The following MEIOC variants were observed in gnomAD, a reference collection of about 807,000 sequenced individuals.
MEIOC encodes the protein meiosis specific with coiled-coil domain.
MEIOC carries 9 observed loss-of-function variants against 85.3 expected under a neutral mutation model. The ratio of observed to expected loss-of-function variants is 0.11; its 90% CI spans 0.06 to 0.18. The LOEUF (loss-of-function observed/expected upper bound fraction) is 0.18. Among genes scored for constraint, MEIOC ranks in the 10% least tolerant of loss-of-function variants. The pLI is 1.00. For synonymous variants in MEIOC, 365 were observed against 393.7 expected (o/e 0.93, Z 0.86); for missense variants, 898 against 1,129.4 (o/e 0.80, Z 2.94).
rs1472429438 is a variant in MEIOC at position 44,675,708 on chromosome 17, GTTAAGT to G, written c.*1517_*1522del. The G allele has an allele frequency of 2.0e-6, 2 of 983,960 alleles. No homozygotes were observed. Among genetic ancestry groups the G allele is most frequent in the Non-Finnish European group, 2.4e-6 (2 of 828,774 alleles). The allele number at this position is 983,960 out of a possible 1,614,324, so 61.0% of individuals were successfully genotyped here. On this transcript the variant is annotated 3_prime_UTR_variant, in exon 8 of 8. Transcript: ENST00000409122. ...CACCACAGTCACTGCATAGAAAGTG[GTTAAGT>G]TTAACATAAGACATGTTGGATGTTA... is the stretch of plus-strand genomic sequence containing the variant.
downstream of MEIOC, chr17:44,676,858 A>G: frequency 7.4e-6 from 5 of 673,458 alleles, no homozygotes; most frequent in Non-Finnish European, 9.2e-6. Flanking sequence ...GCAATACTGA[A>G]CATTTTAGAC....
chr17:44,668,274 T>C (rs776566271), intron 5 of MEIOC, 41 bp downstream of exon 5: 1 of 1,510,448 alleles, frequency 6.6e-7, no homozygotes, highest in South Asian at 1.3e-5. Flanking sequence ...AGTATGTTCC[T>C]TTTGCCTGTC....
chr17:44,669,597 C>T, intron 6 of MEIOC, 80 bp downstream of exon 6: 2 of 1,400,526 alleles, frequency 1.4e-6, no homozygotes, highest in Non-Finnish European at 2.0e-6. Context: ...TGGTGGCTCA[C>T]TCCTGTAATC....
chr17:44,670,968 T>C (rs1296940138), intron 6 of MEIOC: 1 of 152,164 alleles, frequency 6.6e-6, no homozygotes, highest in Non-Finnish European at 1.5e-5. Context: ...TTAGGGTAGG[T>C]AAACTTTTCC....
chr17:44,676,409 T>G (rs1972075168), downstream of MEIOC, among the ~76,000 whole-genome samples: 1 of 152,236 alleles, frequency 6.6e-6, no homozygotes, highest in Non-Finnish European at 1.5e-5. Context: ...TTGTTATCAG[T>G]GTCCTTCTCA....
rs567731554 is a variant in MEIOC, at chr17:44,663,309, G to A, written c.359+838G>A. Among the ~76,000 whole-genome samples the A allele has an allele frequency of 2.2e-4, 33 of 152,092 alleles. 1 individual carries two copies. In the South Asian group the frequency reaches 6.6e-3, roughly 31 times the overall value. On this transcript the variant is annotated intron_variant, in intron 3 of 7. Coordinates refer to ENST00000409122, the MANE Select transcript of MEIOC (RefSeq NM_001145080.3). The stretch of plus-strand genomic sequence containing the variant: ...TGATGATGATGATGATGATGATGAC[G>A]ATAACTAGGATATTATGGGAGCCTA...
At position 44,667,588 on chromosome 17, in the gene MEIOC, C is replaced by T. The variant is rs762468165; in HGVS notation, c.1677C>T (p.Val559=). The T allele has an allele frequency of 5.0e-6, 8 of 1,613,696 alleles. No individual in the cohort carries two copies. In the Admixed American group the frequency reaches 1.3e-4, roughly 27 times the overall value. ...SYSGAERIQS[V]NHIEGLTKPG... is the part of the protein sequence containing the mutation. Reference sequence around the variant, plus strand: ...GTGGTGCAGAAAGAATCCAATCTGTCAATCACATAGAAGGACTAACAAAGC... The same window carrying T: ...GTGGTGCAGAAAGAATCCAATCTGTTAATCACATAGAAGGACTAACAAAGC... The change falls in exon 5 of 8, where the codon GTC becomes GTT. Residue 559 remains valine, a synonymous_variant. Coordinates refer to ENST00000409122, the MANE Select transcript of MEIOC (RefSeq NM_001145080.3).
chr17:44,671,627 C>G (rs751285078), intron 6 of MEIOC, among the ~76,000 whole-genome samples: 9 of 150,298 alleles, frequency 6.0e-5, no homozygotes, highest in Admixed American at 2.6e-4. Context: ...TACATTTTCG[C>G]CGGGCGTGGT....
Position 44,673,474 on chromosome 17 carries a change from C to T in MEIOC, c.2566C>T (p.Arg856Cys), listed in dbSNP as rs1339410866. The change falls in exon 7 of 8, where the codon CGT becomes TGT. Residue 856 changes from arginine (R) to cysteine (C), a missense_variant. Physicochemically the swap from Arg to Cys is radical, Grantham distance 180 (BLOSUM62 -3). This residue lies in a region of MEIOC where 164 missense variants were observed against 269.2 expected (regional missense o/e 0.61). Transcript: ENST00000409122. ...HLESIHIVQSRRKDEIVNASN... is the reference protein window; with the variant it reads ...HLESIHIVQSCRKDEIVNASN... ...GGAGTCTATTCACATTGTACAGTCA[C>T]GTAGAAAGGATGAAATTGTTAATGC... 23 of 1,551,264 alleles carry T rather than the reference C, an allele frequency of 1.5e-5. No homozygotes were observed. In the East Asian group the frequency reaches 4.2e-4, roughly 28 times the overall value.
Position 44,656,641 on chromosome 17 carries a change from C to A in MEIOC, c.28C>A (p.Pro10Thr). ...GGAGGTGAGACGCGGAGACACCTGC[C>A]CGCGCCCTCACCCCTCAGGCCTGAG... Reference protein sequence around the residue: MEVRRGDTCPRPHPSGLREE... With the variant: MEVRRGDTCTRPHPSGLREE... The change falls in exon 1 of 8, where the codon CCG becomes ACG. Residue 10 changes from proline (P) to threonine (T), a missense_variant. This residue lies in a region of MEIOC where 734 missense variants were observed against 860.1 expected (regional missense o/e 0.85). Coordinates refer to ENST00000409122, the MANE Select transcript of MEIOC (RefSeq NM_001145080.3). 6.7e-7 allele frequency: 1 copy of A among 1,489,600 alleles called. No individual in the cohort carries two copies. The highest frequency in any genetic ancestry group is 8.9e-7 in the Non-Finnish European group (1 of 1,119,072). The allele number at this position is 1,489,600 out of a possible 1,614,324, so 92.3% of individuals were successfully genotyped here.
intron 3 of MEIOC, among the ~76,000 whole-genome samples, chr17:44,663,268 TTGATGA>T (rs10638687): frequency 7.1e-4 from 105 of 147,992 alleles, no homozygotes; most frequent in South Asian, 8.8e-4. Context: ...CTTTATAATC[TTGATGA>T]TGATGATGAT....
chr17:44,661,706 C>T (rs975303880), intron 2 of MEIOC, among the ~76,000 whole-genome samples: 10 of 151,994 alleles, frequency 6.6e-5, no homozygotes, highest in African/African-American at 2.4e-4. Flanking sequence ...CGCCCATCAC[C>T]ACCACAGCTG....
intron 4 of MEIOC, among the ~76,000 whole-genome samples, 180 bp from the exon 5 acceptor site, chr17:44,666,196 A>AT (rs1200194634): frequency 1.3e-5 from 2 of 152,182 alleles, no homozygotes; most frequent in Non-Finnish European, 2.9e-5. Flanking sequence ...CATACAGCAC[A>AT]TTTCATGTGA....
chr17:44,656,885 C>A (rs1485082628), intron 1 of MEIOC, among the ~76,000 whole-genome samples: 1 of 117,890 alleles, frequency 8.5e-6, no homozygotes, highest in Admixed American at 1.1e-4. Context: ...CCGCGATTCC[C>A]GGGAGGCAGC....
chr17:44,661,227 G>C (rs1218493961), intron 2 of MEIOC, among the ~76,000 whole-genome samples: 1 of 141,986 alleles, frequency 7.0e-6, no homozygotes, highest in African/African-American at 2.6e-5. Context: ...GGCAGAGGTT[G>C]CAGTGAGCCG....
intron 2 of MEIOC, among the ~76,000 whole-genome samples, chr17:44,661,764 C>G (rs1971845440): frequency 6.6e-6 from 1 of 152,000 alleles, no homozygotes; most frequent in African/African-American, 2.4e-5. Flanking sequence ...CCAGGATGGT[C>G]TCATCTCCTG....
Position 44,663,268 on chromosome 17 carries a change from TTGA to T in MEIOC, c.359+834_359+836del, listed in dbSNP as rs10638687. ...AAATATTATCCTTGCCTTTATAATC[TTGA>T]TGATGATGATGATGATGATGATGAT... On this transcript the variant is annotated intron_variant, in intron 3 of 7. Transcript: ENST00000409122. 6.8e-3 allele frequency among the ~76,000 whole-genome samples: 1,007 copies of T among 147,988 alleles called. 8 individuals carry two copies. The highest frequency in any genetic ancestry group is 0.022 in the African/African-American group (869 of 39,996).
intron 3 of MEIOC, among the ~76,000 whole-genome samples, chr17:44,662,879 C>T (rs1271403381): frequency 1.3e-5 from 2 of 152,174 alleles, no homozygotes; most frequent in African/African-American, 4.8e-5. Flanking sequence ...GTTGCCTAGG[C>T]TGGTCTTGAA....
At chr17:44,669,748 T>TA (rs1971973420) in intron 6 of MEIOC, 1 of 423,178 alleles carries the variant, frequency 2.4e-6, no homozygotes, top group Admixed American at 3.6e-5. Context: ...TAGTCCCAGC[T>TA]ACTTGGGAGG....
Sources: gnomAD v4.1 joint callset for allele counts (sites outside exome capture counted in the v4.1 genomes callset) on GRCh38, gnomAD v4.1.1 for gene constraint, gnomAD v4.1.1 regional missense constraint, MANE v1.5 for transcripts, NCBI Gene and HGNC (gene_info 2026-07-23, HGNC 2026-07-21) for gene names.